Variants in POMGNT1 observed in about 807,000 individuals in gnomAD.
POMGNT1 encodes protein O-linked mannose N-acetylglucosaminyltransferase 1 (beta 1,2-), also known as protein O-linked-mannose beta-1,2-N-acetylglucosaminyltransferase 1.
A neutral mutation model predicts 95.6 loss-of-function variants in POMGNT1; 67 were observed. The ratio of observed to expected loss-of-function variants is 0.70; its 90% CI spans 0.58 to 0.86. The LOEUF is 0.86. Ranked by LOEUF, POMGNT1 falls within the 40% of genes least tolerant of loss-of-function variation. POMGNT1 has a pLI of 0.00. For synonymous variants in POMGNT1, 298 were observed against 317.9 expected (o/e 0.94, Z 0.66); for missense variants, 719 against 855.2 (o/e 0.84, Z 1.99).
chr1:46,203,405 C>A, upstream of POMGNT1: 5 of 1,438,386 alleles, frequency 3.5e-6, no homozygotes, highest in Non-Finnish European at 4.6e-6. Flanking sequence ...GGTCGCCCAG[C>A]CCTTTTCAGG....
At chr1:46,192,719 C>T in intron 14 of POMGNT1, 129 bp from the exon 15 acceptor site, 1 of 1,597,240 alleles carries the variant, frequency 6.3e-7, no homozygotes, top group South Asian at 1.1e-5. Flanking sequence ...CCCCAAATCC[C>T]CACTGTCTCC....
Position 46,194,130 on chromosome 1 carries a change from C to G in POMGNT1, c.879+144G>C, listed in dbSNP as rs558752017. 5.2e-6 allele frequency: 8 copies of G among 1,546,942 alleles called. No individual in the cohort carries two copies. In the African/African-American group the frequency reaches 9.5e-5, roughly 18 times the overall value. ...CACATGGCCTGCCCCTTCACCCCAGCCCTGTCTTTCAGAGCGCAGTGTAAA... is the reference window on the plus strand; with the variant it reads ...CACATGGCCTGCCCCTTCACCCCAGGCCTGTCTTTCAGAGCGCAGTGTAAA... On this transcript the variant is annotated intron_variant, in intron 9 of 21. Coordinates refer to ENST00000371984, the MANE Select transcript of POMGNT1 (RefSeq NM_017739.4).
intron 19 of POMGNT1, 38 bp from the exon 20 acceptor site, chr1:46,190,027 C>T: frequency 6.2e-7 from 1 of 1,611,752 alleles, no homozygotes; most frequent in East Asian, 2.2e-5. Context: ...CAAGACAGGG[C>T]CCACTTCATG....
intron 13 of POMGNT1, 21 bp from the exon 14 acceptor site, chr1:46,192,979 C>A (rs1275522480): frequency 1.2e-6 from 2 of 1,613,594 alleles, no homozygotes; most frequent in South Asian, 2.2e-5. Flanking sequence ...AATGGGACAT[C>A]ATGGTCCCAA....
chr1:46,216,924 G>T (rs1359757829), intron 1 of POMGNT1, among the ~76,000 whole-genome samples: 1 of 152,136 alleles, frequency 6.6e-6, no homozygotes, highest in African/African-American at 2.4e-5. Flanking sequence ...ATTCACTTAG[G>T]ATTATAGCCT....
rs1176001640 is a variant in POMGNT1 at position 46,190,767 on chromosome 1, CT to C, written c.1556del (p.Lys519SerfsTer18). The C allele has an allele frequency of 5.6e-6, 9 of 1,613,858 alleles. No individual in the cohort carries two copies. Among genetic ancestry groups the C allele is most frequent in the Non-Finnish European group, 6.8e-6 (8 of 1,179,756 alleles). On this transcript the variant is annotated frameshift_variant, in exon 18 of 22. Coordinates refer to ENST00000371984, the MANE Select transcript of POMGNT1 (RefSeq NM_017739.4). LOFTEE classifies it high-confidence loss of function. ...CACCTGGAACCGTGTTGAACTTGTG[CT>C]TCTTGAAGTAGGCCTCCTGGAGTGG... ...NGYFHEAYFK[K>X]HKFNTVPGVQ...
chr1:46,216,824 A>G (rs1356686108), intron 1 of POMGNT1, among the ~76,000 whole-genome samples: 2 of 152,172 alleles, frequency 1.3e-5, no homozygotes, highest in African/African-American at 2.4e-5. Context: ...CCCAGTGTCT[A>G]TCATTACCAT....
Position 46,196,862 on chromosome 1 carries a change from A to G in POMGNT1, c.236-13T>C, listed in dbSNP as rs150578902. 3.5e-4 allele frequency: 567 copies of G among 1,613,982 alleles called. 4 individuals carry two copies. The African/African-American group carries it at 6.8e-3, about 19-fold the overall frequency. ...CCTAGGGCCTCATCTGTGGGGTACAACAGGTCATGGAGATAGTCTCCTCAG... is the reference window on the plus strand; with the variant it reads ...CCTAGGGCCTCATCTGTGGGGTACAGCAGGTCATGGAGATAGTCTCCTCAG... On this transcript the variant is annotated splice_polypyrimidine_tract_variant and intron_variant, in intron 3 of 21. Transcript: ENST00000371984. This position sits in a 1 kb window ranked among gnomAD's most constrained non-coding sequence, Gnocchi z 4.4.
chr1:46,216,885 G>A (rs1280442232), intron 1 of POMGNT1, among the ~76,000 whole-genome samples: 1 of 152,154 alleles, frequency 6.6e-6, no homozygotes, highest in Non-Finnish European at 1.5e-5. Context: ...GTTAGAACAT[G>A]CAGTATTTGG....
chr1:46,220,253 C>T, exon 1 of POMGNT1: 7 of 1,559,474 alleles, frequency 4.5e-6, no homozygotes, highest in South Asian at 1.2e-5. Flanking sequence ...TCCTGTGGCT[C>T]TTTTATCCAT....
At chr1:46,217,977 C>G (rs1051275408) in intron 1 of POMGNT1, among the ~76,000 whole-genome samples, 1 of 152,080 alleles carries the variant, frequency 6.6e-6, no homozygotes, top group Non-Finnish European at 1.5e-5. Flanking sequence ...GAGGTAAATA[C>G]CAAAATAAAC....
At chr1:46,197,261 C>T in intron 2 of POMGNT1, 177 bp from the exon 3 acceptor site, 1 of 1,529,384 alleles carries the variant, frequency 6.5e-7, no homozygotes, top group Non-Finnish European at 8.8e-7. Context: ...CCACTTTCCC[C>T]AGGGAACCTC....
chr1:46,216,720 G>A (rs182139759), intron 1 of POMGNT1, among the ~76,000 whole-genome samples: 2 of 152,188 alleles, frequency 1.3e-5, no homozygotes, highest in Admixed American at 1.3e-4. Context: ...TGAGATTTGG[G>A]ATACTGTTGA....
chr1:46,209,040 G>C (rs1358961949), intron 1 of POMGNT1, among the ~76,000 whole-genome samples: 2 of 152,046 alleles, frequency 1.3e-5, no homozygotes, highest in Admixed American at 1.3e-4. Context: ...TTTATTTTGT[G>C]GGGGATAGAG....
rs182427644 is a variant in POMGNT1 at position 46,210,653 on chromosome 1, A to G, written c.-51+9052T>C. On this transcript the variant is annotated intron_variant, in intron 1 of 22. Transcript: ENST00000371992. ...TTATTATAAGGATATTACAAAGGATATAGATGAAGAGATGCATGGGGCAAG... is the reference window on the plus strand; with the variant it reads ...TTATTATAAGGATATTACAAAGGATGTAGATGAAGAGATGCATGGGGCAAG... 2.0e-4 allele frequency among the ~76,000 whole-genome samples: 31 copies of G among 152,310 alleles called. 1 individual carries two copies. Among genetic ancestry groups the G allele is most frequent in the Non-Finnish European group, 2.9e-5 (2 of 68,020 alleles).
intron 17 of POMGNT1, chr1:46,191,036 G>T (rs1039489807): frequency 2.2e-6 from 1 of 464,262 alleles, no homozygotes; most frequent in South Asian, 1.9e-5. Flanking sequence ...ACAGACCCAT[G>T]AACTAGCAGT....
upstream of POMGNT1, among the ~76,000 whole-genome samples, chr1:46,202,000 G>A (rs1050188877): frequency 4.0e-5 from 6 of 150,894 alleles, no homozygotes; most frequent in Admixed American, 1.3e-4. Context: ...TTTACAATAA[G>A]AGGATAGTTA....
rs764840485 is a variant in POMGNT1, at chr1:46,188,770, C to T, written c.*500G>A. 4 of 1,612,836 alleles carry T rather than the reference C, an allele frequency of 2.5e-6. No individual in the cohort carries two copies. The Admixed American group carries it at 6.7e-5, about 27-fold the overall frequency. Reference sequence around the variant, plus strand: ...AGAGAAGGCTGAGAGGAGGCCTGGTCCAGTGTCTAAGGGTCTCTGAGTGAG... The same window carrying T: ...AGAGAAGGCTGAGAGGAGGCCTGGTTCAGTGTCTAAGGGTCTCTGAGTGAG... On this transcript the variant is annotated 3_prime_UTR_variant, in exon 22 of 22. Transcript: ENST00000371984.
At position 46,192,175 on chromosome 1, in the gene POMGNT1, G is replaced by C. The variant is rs727504103; in HGVS notation, c.1462C>G (p.Arg488Gly). The C allele has an allele frequency of 7.4e-6, 12 of 1,614,142 alleles. No homozygotes were observed. The highest frequency in any genetic ancestry group is 1.0e-5 in the Non-Finnish European group (12 of 1,180,018). ...GAAACGTCAGGGATGATGCACTCTC[G>C]GCCCCGGCGTTGTTCAGGCATCCGC... is the stretch of plus-strand genomic sequence containing the variant. ...WMRMPEQRRGRECIIPDVSRS... is the reference protein window; with the variant it reads ...WMRMPEQRRGGECIIPDVSRS... The change falls in exon 17 of 22, where the codon CGA becomes GGA. Residue 488 changes from arginine (R) to glycine (G), a missense_variant. Around this residue, in one of 5 missense-constraint regions of POMGNT1, gnomAD observed 118 missense variants for 153.6 expected, o/e 0.77. Transcript: ENST00000371984.
Sources: gnomAD v4.1 joint callset for allele counts (sites outside exome capture counted in the v4.1 genomes callset) on GRCh38, gnomAD v4.1.1 for gene constraint, gnomAD v4.1.1 regional missense constraint, Gnocchi (gnomAD v3.1) non-coding constraint, MANE v1.5 for transcripts, NCBI Gene and HGNC (gene_info 2026-07-23, HGNC 2026-07-21) for gene names.